The following NAALAD2 variants were observed in gnomAD, a reference collection of about 807,000 sequenced individuals.
The protein encoded by NAALAD2 is N-acetylated-alpha-linked acidic dipeptidase 2.
NAALAD2 carries 89 observed loss-of-function variants against 95.6 expected under a neutral mutation model. The observed-to-expected ratio is 0.93, with a 90% CI of 0.78 to 1.11. The LOEUF is 1.11. NAALAD2 is among the 50% of genes least tolerant of loss of function. The probability of loss-of-function intolerance (pLI) is 0.00; values close to 1 mark genes in which losing one functional copy is unlikely to be tolerated. For synonymous variants in NAALAD2, 264 were observed against 294.4 expected, an observed-to-expected ratio of 0.90 and a Z score of 1.06; for missense variants, 894 against 872.4, an observed-to-expected ratio of 1.02 and a Z score of -0.31.
At chr11:90,143,793 T>C (rs1401208494) in intron 2 of NAALAD2, among the ~76,000 whole-genome samples, 1 of 152,186 alleles carries the variant, frequency 6.6e-6, no homozygotes, top group Non-Finnish European at 1.5e-5. Flanking sequence ...GGGTATTAAA[T>C]GCATTTTCAA....
intron 2 of NAALAD2, among the ~76,000 whole-genome samples, chr11:90,139,075 C>T (rs569071601): frequency 8.5e-5 from 13 of 152,072 alleles, no homozygotes; most frequent in African/African-American, 3.1e-4. Context: ...GGTAAGTAGA[C>T]TACTTGATCT....
intron 8 of NAALAD2, among the ~76,000 whole-genome samples, chr11:90,160,937 T>A (rs1952276128): frequency 6.6e-6 from 1 of 152,088 alleles, no homozygotes; most frequent in African/African-American, 2.4e-5. Context: ...ATTAATCCAT[T>A]TACAGATATT....
intron 15 of NAALAD2, 41 bp downstream of exon 15, chr11:90,176,103 A>T (rs766703022): frequency 2.0e-6 from 3 of 1,489,084 alleles, no homozygotes; most frequent in Non-Finnish European, 2.8e-6. Flanking sequence ...CATTTCATCT[A>T]CAGTCCTTTG....
At chr11:90,145,417 A>T (rs777216023) in intron 2 of NAALAD2, among the ~76,000 whole-genome samples, 6 of 152,250 alleles carry the variant, frequency 3.9e-5, no homozygotes, top group Admixed American at 3.3e-4. Flanking sequence ...AAATATATAT[A>T]TTTTTTCTAA....
chr11:90,175,699 G>A (rs1429276462), intron 14 of NAALAD2, among the ~76,000 whole-genome samples: 2 of 152,090 alleles, frequency 1.3e-5, no homozygotes, highest in Admixed American at 6.6e-5. Context: ...TGGTGGCACA[G>A]CCCAATTCTT....
At position 90,163,366 on chromosome 11, in the gene NAALAD2, C is replaced by G. The variant is rs1469221708; in HGVS notation, c.1132C>G (p.Pro378Ala). 6.2e-7 allele frequency: 1 copy of G among 1,613,880 alleles called. No individual in the cohort carries two copies. Among genetic ancestry groups the G allele is most frequent in the East Asian group, 2.2e-5 (1 of 44,872 alleles). Reference sequence around the variant, plus strand: ...CTCCTGGGTATTTGGAGCTATTGACCCAACCAGTGGGGTTGCTGTTTTGCA... The same window carrying G: ...CTCCTGGGTATTTGGAGCTATTGACGCAACCAGTGGGGTTGCTGTTTTGCA... ...RDSWVFGAIDPTSGVAVLQEI... is the reference protein window; with the variant it reads ...RDSWVFGAIDATSGVAVLQEI... The change falls in exon 10 of 19, where the codon CCA (proline) becomes GCA (alanine). Residue 378 changes from proline (P) to alanine (A), a missense_variant. Pro to Ala is a conservative substitution (Grantham distance 27, BLOSUM62 -1). Coordinates refer to ENST00000534061, the MANE Select transcript of NAALAD2 (RefSeq NM_005467.4).
chr11:90,159,167 T>C (rs1590987544), intron 7 of NAALAD2, 72 bp from the exon 8 acceptor site: 2 of 1,125,612 alleles, frequency 1.8e-6, no homozygotes, highest in East Asian at 4.8e-5. Context: ...TGAAATATTG[T>C]CATCAAACTT....
intron 13 of NAALAD2, 123 bp downstream of exon 13, chr11:90,170,259 A>C: frequency 3.0e-6 from 2 of 664,796 alleles, no homozygotes; most frequent in Non-Finnish European, 5.4e-6. Flanking sequence ...GAATCATATA[A>C]ACAAAACAAA....
rs1951914234 is a variant in NAALAD2 at position 90,152,445 on chromosome 11, G to C, written c.757G>C (p.Gly253Arg). The C allele has an allele frequency of 6.2e-7, 1 of 1,613,510 alleles. No homozygotes were observed. Among genetic ancestry groups the C allele is most frequent in the Non-Finnish European group, 8.5e-7 (1 of 1,179,592 alleles). Residue 253 changes from glycine (G) to arginine (R), a missense_variant, in exon 6 of 19, where the codon GGT (glycine) becomes CGT (arginine). Transcript: ENST00000534061. ...GAGAGGAAATGTGTTAAATTTGAATGGTGCTGGTGACCCACTCACTCCAGG... is the reference window on the plus strand; with the variant it reads ...GAGAGGAAATGTGTTAAATTTGAATCGTGCTGGTGACCCACTCACTCCAGG... ...AQRGNVLNLN[G>R]AGDPLTPGYP...
At chr11:90,132,307 C>T (rs1466374637), upstream of NAALAD2, 2 of 152,328 alleles carry the variant, frequency 1.3e-5, no homozygotes, top group Non-Finnish European at 2.9e-5. Context: ...TTCTATTACT[C>T]AAACTTCAAT....
intron 2 of NAALAD2, 84 bp from the exon 3 acceptor site, chr11:90,147,246 A>T: frequency 9.4e-7 from 1 of 1,060,958 alleles, no homozygotes; most frequent in Non-Finnish European, 1.4e-6. Context: ...TGCCCAATGC[A>T]TAAGTAGTGC....
At chr11:90,191,441 T>G (rs1857322441) in intron 18 of NAALAD2, 117 bp from the exon 19 acceptor site, 4 of 544,862 alleles carry the variant, frequency 7.3e-6, no homozygotes, top group Middle Eastern at 4.8e-4. Flanking sequence ...ATCAACTGTC[T>G]TCTTATTATA....
Position 90,168,978 on chromosome 11 carries a change from A to T in NAALAD2, c.1328A>T (p.Asp443Val). 1.2e-6 allele frequency: 2 copies of T among 1,603,802 alleles called. No homozygotes were observed. The highest frequency in any genetic ancestry group is 1.1e-5 in the South Asian group (1 of 88,018). The change falls in exon 12 of 19, where the codon GAT becomes GTT. Residue 443 changes from aspartate (D) to valine (V), a missense_variant. Asp to Val is a radical substitution (Grantham distance 152, BLOSUM62 -3). Coordinates refer to ENST00000534061, the MANE Select transcript of NAALAD2 (RefSeq NM_005467.4). The part of the protein sequence containing the change: ...QERSIAYINS[D>V]SSIEGNYTLR... ...AGAAGCATTGCTTATATCAACTCGG[A>T]TTCATCTATAGAAGGTAAATTTTAT...
At chr11:90,168,876 C>A in intron 11 of NAALAD2, 53 bp from the exon 12 acceptor site, 1 of 1,407,760 alleles carries the variant, frequency 7.1e-7, no homozygotes, top group Non-Finnish European at 9.9e-7. Flanking sequence ...ATTTTGTTTA[C>A]ATTTTCACAA....
In NAALAD2 at chr11:90,158,211, G is replaced by T; in HGVS notation, c.863G>T (p.Gly288Val). Residue 288 changes from glycine (G) to valine (V), a missense_variant, in exon 7 of 19, where the codon GGA becomes GTA. By Grantham distance (109) the Gly-to-Val change is moderately radical. Transcript: ENST00000534061. ...GIPRIPVHPI[G>V]YNDAEILLRY... The stretch of plus-strand genomic sequence containing the variant: ...CCCCGAATACCTGTACATCCCATTG[G>T]ATATAATGATGCAGAAATATTATTA... 2 of 1,609,288 alleles carry T rather than the reference G, an allele frequency of 1.2e-6. No individual in the cohort carries two copies. The highest frequency in any genetic ancestry group is 1.7e-6 in the Non-Finnish European group (2 of 1,176,520).
At chr11:90,148,981 CTT>C (rs1951819997) in intron 3 of NAALAD2, 23 bp from the exon 4 acceptor site, 1 of 1,422,052 alleles carries the variant, frequency 7.0e-7, no homozygotes, top group East Asian at 2.3e-5. Context: ...ATTTTTCTAA[CTT>C]GACATATTTT....
chr11:90,156,030 G>T (rs931764022), intron 6 of NAALAD2, among the ~76,000 whole-genome samples: 5 of 151,054 alleles, frequency 3.3e-5, no homozygotes, highest in East Asian at 3.9e-4. Context: ...GCATAGAGTG[G>T]TTTATAATAT....
chr11:90,181,797 T>TC, intron 17 of NAALAD2, 96 bp downstream of exon 17: 1 of 754,448 alleles, frequency 1.3e-6, no homozygotes, highest in Non-Finnish European at 2.2e-6. Context: ...AACCTCTAAA[T>TC]CACTACTATT....
intron 16 of NAALAD2, among the ~76,000 whole-genome samples, chr11:90,180,028 C>T (rs1013564067): frequency 1.3e-5 from 2 of 152,064 alleles, no homozygotes; most frequent in African/African-American, 4.8e-5. Flanking sequence ...GAAACAGTTC[C>T]TGAGAAAATG....
Sources: gnomAD v4.1 joint callset for allele counts (sites outside exome capture counted in the v4.1 genomes callset) on GRCh38, gnomAD v4.1.1 for gene constraint, MANE v1.5 for transcripts, NCBI Gene and HGNC (gene_info 2026-07-23, HGNC 2026-07-21) for gene names.